The following ADAM9 variants were observed in gnomAD, a reference collection of about 807,000 sequenced individuals.
ADAM9 encodes the protein ADAM metallopeptidase domain 9.
A neutral mutation model predicts 108.1 loss-of-function variants in ADAM9; 54 were observed. The observed-to-expected ratio is 0.50, with a 90% CI of 0.40 to 0.63. The LOEUF (loss-of-function observed/expected upper bound fraction) is 0.63. ADAM9 is among the 20% of genes least tolerant of loss of function. The probability of loss-of-function intolerance (pLI) is 0.00; values close to 1 mark genes in which losing one functional copy is unlikely to be tolerated. For missense variants in ADAM9, 830 were observed against 997.7 expected (o/e 0.83, Z 2.26); for synonymous variants, 316 against 336.0 (o/e 0.94, Z 0.65).
chr8:39,101,672 T>G (rs1446414520), intron 20 of ADAM9, among the ~76,000 whole-genome samples, 191 bp from the exon 21 acceptor site: 3 of 152,196 alleles, frequency 2.0e-5, no homozygotes, highest in South Asian at 2.1e-4. Flanking sequence ...AATATCTGAT[T>G]ATGTACGTGC....
At position 39,026,857 on chromosome 8, in the gene ADAM9, A is replaced by G. The variant is rs772212349; in HGVS notation, c.1130+47A>G. ...CTCCTTTATTTGGTATTGTAGATCC[A>G]TGTTTCTTACACTGTGAGGGATATT... is the stretch of plus-strand genomic sequence containing the variant. On this transcript the variant is annotated intron_variant, in intron 11 of 21. Transcript: ENST00000487273. The G allele has an allele frequency of 8.1e-6, 13 of 1,609,574 alleles. No homozygotes were observed. The East Asian group carries it at 2.9e-4, about 36-fold the overall frequency.
intron 14 of ADAM9, among the ~76,000 whole-genome samples, chr8:39,056,112 A>G (rs1838114804): frequency 6.6e-6 from 1 of 151,896 alleles, no homozygotes; most frequent in Non-Finnish European, 1.5e-5. Context: ...CTATATTGAT[A>G]TATTTATATT....
intron 11 of ADAM9, among the ~76,000 whole-genome samples, chr8:39,033,727 A>T (rs1837177087): frequency 6.6e-6 from 1 of 152,166 alleles, no homozygotes; most frequent in African/African-American, 2.4e-5. Context: ...TGTAATCTGA[A>T]ATGAATCTCA....
intron 6 of ADAM9, among the ~76,000 whole-genome samples, chr8:39,018,411 A>G (rs1335370408): frequency 1.3e-5 from 2 of 152,198 alleles, no homozygotes; most frequent in African/African-American, 2.4e-5. Context: ...GCTCTGGGAT[A>G]TTAGTGGATA....
chr8:39,054,581 AT>A lies in ADAM9; in HGVS notation c.1395+10del. 7.2e-7 allele frequency: 1 copy of A among 1,379,664 alleles called. No individual in the cohort carries two copies. The allele number at this position is 1,379,664 out of a possible 1,614,324, so 85.5% of individuals were successfully genotyped here. On this transcript the variant is annotated intron_variant, in intron 13 of 21. Coordinates refer to ENST00000487273, the MANE Select transcript of ADAM9 (RefSeq NM_003816.3). ...TGTTGTAAAGACTGTCGGGTAAGGA[AT>A]TCCTCCCTTTTGGAAACAGGAAAAA...
intron 20 of ADAM9, among the ~76,000 whole-genome samples, chr8:39,097,220 G>GT (rs1384337589): frequency 3.3e-5 from 5 of 151,762 alleles, no homozygotes; most frequent in Non-Finnish European, 7.4e-5. Context: ...CCTCTGTGAG[G>GT]TTTTTTTCTG....
At chr8:39,030,497 A>G (rs1837063049) in intron 11 of ADAM9, among the ~76,000 whole-genome samples, 2 of 152,152 alleles carry the variant, frequency 1.3e-5, no homozygotes, top group Non-Finnish European at 2.9e-5. Context: ...CCATTTACCT[A>G]CTGAAGGACA....
chr8:39,053,410 A>G (rs1219743878), intron 12 of ADAM9, among the ~76,000 whole-genome samples: 1 of 152,142 alleles, frequency 6.6e-6, no homozygotes, highest in Non-Finnish European at 1.5e-5. Flanking sequence ...ACAGTTGCAA[A>G]GGTTTTCTCC....
chr8:39,029,406 C>CA (rs1356258535), intron 11 of ADAM9, among the ~76,000 whole-genome samples: 3 of 152,168 alleles, frequency 2.0e-5, no homozygotes, highest in Non-Finnish European at 1.5e-5. Context: ...CAGCCTTATT[C>CA]TCCCAGTGAC....
At chr8:39,045,391 TGTACACACAC>T (rs1837700030) in intron 12 of ADAM9, among the ~76,000 whole-genome samples, 1 of 147,814 alleles carries the variant, frequency 6.8e-6, no homozygotes, top group East Asian at 2.0e-4. Context: ...TATAGGTGTG[TGTACACACAC>T]CTATATGTGC....
intron 20 of ADAM9, among the ~76,000 whole-genome samples, chr8:39,097,662 A>G (rs1428079856): frequency 6.6e-6 from 1 of 152,062 alleles, no homozygotes; most frequent in Non-Finnish European, 1.5e-5. Flanking sequence ...AGATATGACT[A>G]TTGAATTATG....
intron 12 of ADAM9, among the ~76,000 whole-genome samples, chr8:39,051,721 G>A (rs143304204): frequency 8.4e-4 from 128 of 152,166 alleles, no homozygotes; most frequent in African/African-American, 3.0e-3. Flanking sequence ...TCTCTTGTGT[G>A]CAGATTTTTT....
chr8:39,007,733 A>G (rs73674685), intron 1 of ADAM9, among the ~76,000 whole-genome samples, 153 bp from the exon 2 acceptor site: 3,722 of 152,328 alleles, frequency 0.024, 172 homozygotes, highest in African/African-American at 0.085. Flanking sequence ...GTATTAATAC[A>G]ACTTTATATG....
At chr8:39,064,602 C>G (rs977659287) in intron 14 of ADAM9, among the ~76,000 whole-genome samples, 9 of 152,122 alleles carry the variant, frequency 5.9e-5, no homozygotes, top group Non-Finnish European at 1.3e-4. Context: ...CAGTATTTAT[C>G]CTGAGATCTT....
intron 2 of ADAM9, among the ~76,000 whole-genome samples, chr8:39,009,049 A>G (rs1836259958): frequency 1.3e-5 from 2 of 152,194 alleles, no homozygotes; most frequent in South Asian, 2.1e-4. Context: ...GGGAGTGGGC[A>G]TTGTAAAAAG....
chr8:39,041,570 G>A (rs1252395800), intron 11 of ADAM9, among the ~76,000 whole-genome samples: 1 of 152,162 alleles, frequency 6.6e-6, no homozygotes, highest in Non-Finnish European at 1.5e-5. Flanking sequence ...TGGAGACAAC[G>A]TACAGCTACC....
intron 21 of ADAM9, 70 bp downstream of exon 21, chr8:39,102,000 C>A: frequency 7.8e-7 from 1 of 1,280,574 alleles, no homozygotes; most frequent in Non-Finnish European, 1.1e-6. Context: ...ATAATTTCCC[C>A]TGTATTTTAA....
At chr8:39,070,152 C>CAAAAAAAAAAAA (rs5891052) in intron 14 of ADAM9, among the ~76,000 whole-genome samples, 1 of 81,424 alleles carries the variant, frequency 1.2e-5, no homozygotes, top group Non-Finnish European at 2.4e-5. Context: ...GACTCTGTCT[C>CAAAAAAAAAAAA]AAAAAAAAAA....
chr8:39,101,236 C>T (rs1159174137), intron 20 of ADAM9, among the ~76,000 whole-genome samples: 2 of 152,086 alleles, frequency 1.3e-5, no homozygotes, highest in East Asian at 3.8e-4. Context: ...TTTTGACTGT[C>T]AGCATTATAA....
Sources: gnomAD v4.1 joint callset for allele counts (sites outside exome capture counted in the v4.1 genomes callset) on GRCh38, gnomAD v4.1.1 for gene constraint, MANE v1.5 for transcripts, NCBI Gene and HGNC (gene_info 2026-07-23, HGNC 2026-07-21) for gene names.